Variants in RAB3IP observed in about 807,000 individuals in gnomAD.
RAB3IP encodes the protein RAB3A interacting protein.
A neutral mutation model predicts 59.1 loss-of-function variants in RAB3IP; 36 were observed. The ratio of observed to expected loss-of-function variants is 0.61; its 90% CI spans 0.47 to 0.80. The LOEUF is 0.80. RAB3IP is among the 30% of genes least tolerant of loss of function. The pLI is 0.00. For synonymous variants in RAB3IP, 207 were observed against 191.2 expected (o/e 1.08, Z -0.68); for missense variants, 511 against 536.0 (o/e 0.95, Z 0.46).
intron 1 of RAB3IP, among the ~76,000 whole-genome samples, chr12:69,753,048 C>T (rs1265310141): frequency 6.6e-6 from 1 of 152,130 alleles, no homozygotes; most frequent in Non-Finnish European, 1.5e-5. Flanking sequence ...GGACTAGTTT[C>T]ATTTTGAAGA....
chr12:69,745,384 G>C (rs944295615), intron 1 of RAB3IP, among the ~76,000 whole-genome samples: 1 of 150,980 alleles, frequency 6.6e-6, no homozygotes, highest in African/African-American at 2.4e-5. Flanking sequence ...CAGGAATATG[G>C]GTACTATAGT....
chr12:69,792,339 A>G (rs1295838651), intron 4 of RAB3IP, among the ~76,000 whole-genome samples: 2 of 152,234 alleles, frequency 1.3e-5, no homozygotes, highest in Non-Finnish European at 1.5e-5. Flanking sequence ...TGGATATGCT[A>G]AAAGAAAAAC....
intron 1 of RAB3IP, chr12:69,739,840 G>A (rs368746769): frequency 5.7e-5 from 92 of 1,613,998 alleles, no homozygotes; most frequent in Non-Finnish European, 7.5e-5. Flanking sequence ...AAGAGTTGCC[G>A]GTTGTTATGG....
At chr12:69,752,379 GTTA>G (rs1238745289) in intron 1 of RAB3IP, among the ~76,000 whole-genome samples, 1 of 151,404 alleles carries the variant, frequency 6.6e-6, no homozygotes, top group Non-Finnish European at 1.5e-5. Context: ...GTAGTTTACT[GTTA>G]TTTATCCTGT....
At chr12:69,754,224 G>A (rs1869802161) in intron 1 of RAB3IP, among the ~76,000 whole-genome samples, 1 of 151,890 alleles carries the variant, frequency 6.6e-6, no homozygotes, top group Non-Finnish European at 1.5e-5. Flanking sequence ...ATTTGAATGG[G>A]GCCTGTTGAT....
At position 69,819,927 on chromosome 12, in the gene RAB3IP, A is replaced by C. The variant is rs1021864781; in HGVS notation, c.*4481A>C. 1 of 152,098 alleles carries C rather than the reference A, an allele frequency of 6.6e-6. No homozygotes were observed. Among genetic ancestry groups the C allele is most frequent in the Non-Finnish European group, 1.5e-5 (1 of 68,030 alleles). The allele number at this position is 152,098 out of a possible 1,614,324, so 9.4% of individuals were successfully genotyped here. ...TTACAGTCTTTGACTAAGCATCCACACTGGAAGAACAAGATTTGGTTTCTG... is the reference window on the plus strand; with the variant it reads ...TTACAGTCTTTGACTAAGCATCCACCCTGGAAGAACAAGATTTGGTTTCTG... On this transcript the variant is annotated 3_prime_UTR_variant, in exon 11 of 11. Transcript: ENST00000247833.
intron 8 of RAB3IP, among the ~76,000 whole-genome samples, chr12:69,810,946 T>C (rs950019665): frequency 5.9e-5 from 9 of 152,210 alleles, no homozygotes; most frequent in African/African-American, 1.7e-4. Context: ...CTGTTTGCAT[T>C]GAATCCTGGC....
At chr12:69,747,372 C>T (rs1868493209) in intron 1 of RAB3IP, among the ~76,000 whole-genome samples, 1 of 151,186 alleles carries the variant, frequency 6.6e-6, no homozygotes, top group East Asian at 1.9e-4. Context: ...GTTGCTCAGG[C>T]TGGAGTGCAG....
At chr12:69,815,311 A>T (rs1254563781) in intron 10 of RAB3IP, 53 bp from the exon 11 acceptor site, 1 of 1,285,510 alleles carries the variant, frequency 7.8e-7, no homozygotes, top group Non-Finnish European at 1.1e-6. Context: ...AACATTAAAA[A>T]TAATGAAGAT....
chr12:69,745,400 C>G (rs1022638376), intron 1 of RAB3IP, among the ~76,000 whole-genome samples: 2 of 151,036 alleles, frequency 1.3e-5, no homozygotes, highest in Admixed American at 6.6e-5. Flanking sequence ...ATAGTAAATT[C>G]AAGTTTCTGT....
chr12:69,782,278 C>T (rs1361592556), intron 3 of RAB3IP, among the ~76,000 whole-genome samples: 3 of 152,206 alleles, frequency 2.0e-5, no homozygotes, highest in African/African-American at 7.2e-5. Flanking sequence ...GATTCTCCTG[C>T]CTCAGGCTTC....
chr12:69,758,756 CTTTTTTTTTTTTT>C (rs71437121), intron 3 of RAB3IP, among the ~76,000 whole-genome samples: 1 of 48,206 alleles, frequency 2.1e-5, no homozygotes, highest in South Asian at 1.2e-3. Context: ...GTGTTCATTC[CTTTTTTTTTTTTT>C]TTTTTTTTTT....
In RAB3IP at chr12:69,815,684, CAA is replaced by C. The variant is rs373112558; in HGVS notation, c.*251_*252del. The stretch of plus-strand genomic sequence containing the variant: ...ACTAGTGAATGTAATTTATAGTTGC[CAA>C]AAAAAAAAAAAACCTGAAATAAATA... On this transcript the variant is annotated 3_prime_UTR_variant, in exon 11 of 11. Coordinates refer to ENST00000247833, the MANE Select transcript of RAB3IP (RefSeq NM_022456.5). The C allele has an allele frequency of 3.0e-3, 639 of 211,838 alleles. No individual in the cohort carries two copies. Among genetic ancestry groups the C allele is most frequent in the Middle Eastern group, 9.1e-3 (6 of 660 alleles). The allele number at this position is 211,838 out of a possible 1,614,324, so 13.1% of individuals were successfully genotyped here.
chr12:69,768,831 T>C (rs1257555351), intron 3 of RAB3IP, among the ~76,000 whole-genome samples: 1 of 152,136 alleles, frequency 6.6e-6, no homozygotes, highest in Non-Finnish European at 1.5e-5. Context: ...CTCCAATCTC[T>C]GTCCTAAGAC....
intron 3 of RAB3IP, among the ~76,000 whole-genome samples, chr12:69,784,366 C>T (rs1375068796): frequency 6.6e-6 from 1 of 150,882 alleles, no homozygotes; most frequent in Non-Finnish European, 1.5e-5. Context: ...AAATTCCTTA[C>T]TTGATGGAAA....
intron 1 of RAB3IP, among the ~76,000 whole-genome samples, chr12:69,743,749 T>C (rs1887571951): frequency 6.6e-6 from 1 of 152,202 alleles, no homozygotes; most frequent in South Asian, 2.1e-4. Flanking sequence ...TTCTCCAGTT[T>C]TGATACTCTC....
intron 8 of RAB3IP, among the ~76,000 whole-genome samples, chr12:69,804,901 T>G (rs914520229): frequency 8.5e-5 from 13 of 152,334 alleles, no homozygotes; most frequent in Admixed American, 4.6e-4. Flanking sequence ...TACTGTAGCC[T>G]TGTAGTATAG....
chr12:69,802,571 A>C (rs1189853457), intron 8 of RAB3IP, among the ~76,000 whole-genome samples: 1 of 152,204 alleles, frequency 6.6e-6, no homozygotes, highest in African/African-American at 2.4e-5. Flanking sequence ...TGACTTGGAA[A>C]GCTTTTGAGA....
Position 69,804,217 on chromosome 12 carries a change from T to A in RAB3IP, c.1130+2496T>A, listed in dbSNP as rs1212204499. ...TAACTGGTGTGAGATGGTATCTCAT[T>A]TTGGTTTTGATTTGCATTTCTCTGA... On this transcript the variant is annotated intron_variant, in intron 8 of 10. Coordinates refer to ENST00000247833, the MANE Select transcript of RAB3IP (RefSeq NM_022456.5). Among the ~76,000 whole-genome samples the A allele has an allele frequency of 4.6e-5, 7 of 152,348 alleles. No homozygotes were observed. In the East Asian group the frequency reaches 9.6e-4, roughly 21 times the overall value.
Sources: allele counts gnomAD v4.1 joint callset (sites outside exome capture counted in the v4.1 genomes callset), GRCh38; gene constraint gnomAD v4.1.1; transcripts MANE v1.5; gene names NCBI Gene and HGNC (gene_info 2026-07-23, HGNC 2026-07-21).